Variants in FARP1 observed in about 807,000 individuals in gnomAD.
The protein encoded by FARP1 is FERM, ARHGEF and pleckstrin domain-containing protein 1.
In FARP1, 52 loss-of-function variants were observed where a neutral mutation model predicts 128.8. That is an observed-to-expected ratio of 0.40 (90% CI 0.32 to 0.51). The LOEUF is 0.51. Ranked by LOEUF, FARP1 falls within the 20% of genes least tolerant of loss-of-function variation. The pLI is 0.45. For missense variants in FARP1, 1,333 were observed against 1,367.9 expected, an observed-to-expected ratio of 0.97 and a Z score of 0.40; for synonymous variants, 580 against 551.8, an observed-to-expected ratio of 1.05 and a Z score of -0.72.
At chr13:98,251,172 G>A (rs1325081681) in intron 2 of FARP1, among the ~76,000 whole-genome samples, 1 of 152,176 alleles carries the variant, frequency 6.6e-6, no homozygotes, top group Non-Finnish European at 1.5e-5. Flanking sequence ...GAAGTTAAGT[G>A]GACAGCTGTT....
intron 16 of FARP1, among the ~76,000 whole-genome samples, chr13:98,417,636 T>C (rs535190554): frequency 2.0e-5 from 3 of 151,758 alleles, no homozygotes; most frequent in Non-Finnish European, 4.4e-5. Context: ...GTGAGAAGGG[T>C]GTCCTGAGGG....
At chr13:98,356,071 T>G (rs907829789) in intron 3 of FARP1, among the ~76,000 whole-genome samples, 3 of 152,244 alleles carry the variant, frequency 2.0e-5, no homozygotes, top group Non-Finnish European at 1.5e-5. Flanking sequence ...AAAGACTGTA[T>G]GTTCTGTGTT....
chr13:98,251,588 C>T (rs570504926), intron 2 of FARP1, among the ~76,000 whole-genome samples: 1 of 151,016 alleles, frequency 6.6e-6, no homozygotes, highest in East Asian at 2.0e-4. Context: ...GAGGCTGAGG[C>T]AGGAGAATGG....
intron 2 of FARP1, among the ~76,000 whole-genome samples, chr13:98,241,024 G>A (rs1450961008): frequency 6.6e-6 from 1 of 152,230 alleles, no homozygotes; most frequent in Non-Finnish European, 1.5e-5. Flanking sequence ...CCGCCCTAGC[G>A]AAGATTCGAA....
intron 17 of FARP1, among the ~76,000 whole-genome samples, chr13:98,429,185 G>C (rs944342539): frequency 2.6e-5 from 4 of 152,208 alleles, no homozygotes; most frequent in Non-Finnish European, 4.4e-5. Flanking sequence ...GAAAGACACA[G>C]CAGTGAGTGC....
intron 2 of FARP1, among the ~76,000 whole-genome samples, chr13:98,279,591 A>G (rs919523909): frequency 1.4e-4 from 21 of 152,186 alleles, no homozygotes; most frequent in Non-Finnish European, 2.9e-4. Context: ...CTTACTAGCC[A>G]CATGTGGCTA....
At chr13:98,167,068 G>A (rs778335590) in intron 1 of FARP1, among the ~76,000 whole-genome samples, 40 of 151,948 alleles carry the variant, frequency 2.6e-4, no homozygotes, top group African/African-American at 5.6e-4. Context: ...CTTACTACTC[G>A]TTGTGGTTGA....
intron 2 of FARP1, among the ~76,000 whole-genome samples, chr13:98,216,930 G>A (rs776576148): frequency 6.6e-6 from 1 of 152,230 alleles, no homozygotes; most frequent in South Asian, 2.1e-4. Context: ...GCTTCAGCCT[G>A]TGGTTTATGA....
intron 3 of FARP1, among the ~76,000 whole-genome samples, chr13:98,358,708 T>A (rs1888738585): frequency 6.6e-6 from 1 of 152,178 alleles, no homozygotes; most frequent in South Asian, 2.1e-4. Context: ...CGATCTTGGC[T>A]CACTGTAACC....
chr13:98,296,701 T>TTG (rs1885712341), intron 2 of FARP1, among the ~76,000 whole-genome samples: 2 of 150,552 alleles, frequency 1.3e-5, no homozygotes, highest in Non-Finnish European at 3.0e-5. Flanking sequence ...TTTTTTTTTT[T>TTG]TTTTTCCTGA....
chr13:98,393,369 T>C (rs1308205481), intron 11 of FARP1, among the ~76,000 whole-genome samples: 1 of 152,214 alleles, frequency 6.6e-6, no homozygotes, highest in East Asian at 1.9e-4. Context: ...CCTGCTCAGT[T>C]GCTAAATGTT....
intron 2 of FARP1, among the ~76,000 whole-genome samples, chr13:98,275,577 A>G (rs1340950293): frequency 6.6e-6 from 1 of 150,874 alleles, no homozygotes; most frequent in African/African-American, 2.4e-5. Flanking sequence ...AATTCCTAAC[A>G]TTGTTAGAGT....
chr13:98,318,543 A>G (rs627523), intron 2 of FARP1, among the ~76,000 whole-genome samples: 33,230 of 152,122 alleles, frequency 0.22, 3,878 homozygotes, highest in Non-Finnish European at 0.26. Context: ...TCACTTAATC[A>G]GGGAAGATGT....
chr13:98,349,672 GAAAAAAAAAAAAAAAAA>G (rs56376512), intron 3 of FARP1, among the ~76,000 whole-genome samples: 4 of 59,872 alleles, frequency 6.7e-5, no homozygotes, highest in Admixed American at 2.3e-4. Flanking sequence ...CCATCTCAGG[GAAAAAAAAAAAAAAAAA>G]AAAAAAAAAA....
intron 1 of FARP1, among the ~76,000 whole-genome samples, chr13:98,206,713 T>A (rs373362661): frequency 6.6e-6 from 1 of 152,236 alleles, no homozygotes; most frequent in East Asian, 1.9e-4. Context: ...TCTAGTTTTT[T>A]ACCTTTTCTC....
At chr13:98,205,995 C>G (rs7318325) in intron 1 of FARP1, among the ~76,000 whole-genome samples, 1 of 152,024 alleles carries the variant, frequency 6.6e-6, no homozygotes, top group East Asian at 1.9e-4. Context: ...TAATCTGTTG[C>G]ATGTAACATT....
intron 1 of FARP1, among the ~76,000 whole-genome samples, chr13:98,153,384 TA>T: frequency 8.5e-6 from 1 of 118,044 alleles, no homozygotes; most frequent in Non-Finnish European, 1.8e-5. Flanking sequence ...TATAAATATA[TA>T]ATAAATAATA....
At chr13:98,335,361 A>G (rs1395403831) in intron 2 of FARP1, among the ~76,000 whole-genome samples, 1 of 152,186 alleles carries the variant, frequency 6.6e-6, no homozygotes, top group Admixed American at 6.5e-5. Context: ...TCTTACATGG[A>G]TGGCAGCAGG....
chr13:98,228,150 G>T (rs921461235), intron 2 of FARP1, among the ~76,000 whole-genome samples: 3 of 152,194 alleles, frequency 2.0e-5, no homozygotes, highest in African/African-American at 7.2e-5. Context: ...CCTGAAGTCA[G>T]GAGTTTGAGA....
Sources: gnomAD v4.1 joint callset for allele counts (sites outside exome capture counted in the v4.1 genomes callset) on GRCh38, gnomAD v4.1.1 for gene constraint, MANE v1.5 for transcripts, NCBI Gene and HGNC (gene_info 2026-07-23, HGNC 2026-07-21) for gene names.